The following PTPRZ1 variants were observed in gnomAD, a reference collection of about 807,000 sequenced individuals.
PTPRZ1 encodes the protein protein tyrosine phosphatase receptor type Z1, also known as receptor-type tyrosine-protein phosphatase zeta.
A neutral mutation model predicts 214.1 loss-of-function variants in PTPRZ1; 82 were observed. The ratio of observed to expected loss-of-function variants is 0.38; its 90% CI spans 0.32 to 0.46. The LOEUF is 0.46. Among genes scored for constraint, PTPRZ1 ranks in the 20% least tolerant of loss-of-function variants. The pLI, the probability that PTPRZ1 is intolerant of heterozygous loss-of-function variation, is 1.00. For synonymous variants in PTPRZ1, 945 were observed against 987.9 expected (o/e 0.96, Z 0.81); for missense variants, 2,603 against 2,748.7 (o/e 0.95, Z 1.19).
At chr7:121,961,652 G>A (rs1424803986) in intron 2 of PTPRZ1, among the ~76,000 whole-genome samples, 1 of 152,188 alleles carries the variant, frequency 6.6e-6, no homozygotes, top group Non-Finnish European at 1.5e-5. Flanking sequence ...AATAGAGGAT[G>A]CATACGTATG....
intron 2 of PTPRZ1, 113 bp from the exon 3 acceptor site, chr7:121,967,838 A>C (rs1402488799): frequency 5.4e-6 from 4 of 741,976 alleles, no homozygotes; most frequent in African/African-American, 3.7e-5. Context: ...AAAGATGTCA[A>C]ACATTTTTCT....
chr7:121,956,153 C>T (rs138471062), intron 2 of PTPRZ1, among the ~76,000 whole-genome samples: 10 of 152,072 alleles, frequency 6.6e-5, no homozygotes, highest in African/African-American at 1.4e-4. Context: ...TGCAACTACC[C>T]GTCCTCTCTG....
At chr7:122,010,207 G>T in intron 11 of PTPRZ1, 127 bp from the exon 12 acceptor site, 1 of 873,272 alleles carries the variant, frequency 1.1e-6, no homozygotes, top group Non-Finnish European at 1.7e-6. Flanking sequence ...GCATTGTACA[G>T]AATGGTGTTT....
chr7:122,055,906 C>T (rs1232516543), intron 27 of PTPRZ1, among the ~76,000 whole-genome samples: 1 of 151,744 alleles, frequency 6.6e-6, no homozygotes, highest in Non-Finnish European at 1.5e-5. Context: ...ATTCTCTATC[C>T]TCTAGAATAT....
intron 1 of PTPRZ1, among the ~76,000 whole-genome samples, chr7:121,889,679 A>G (rs368407967): frequency 9.2e-5 from 14 of 152,176 alleles, no homozygotes; most frequent in African/African-American, 3.4e-4. Flanking sequence ...AGAGTTTTCT[A>G]TAGTCACTAT....
In PTPRZ1 at chr7:122,061,321, C is replaced by T; in HGVS notation, c.*101C>T. 10 of 1,161,980 alleles carry T rather than the reference C, an allele frequency of 8.6e-6. No homozygotes were observed. Among genetic ancestry groups the T allele is most frequent in the Non-Finnish European group, 1.1e-5 (10 of 877,140 alleles). 72.0% of individuals were successfully genotyped at this position (1,161,980 alleles called of 1,614,324 possible). ...GTTCTGTTATCTGTTGATTTCCCAT[C>T]ACCTGACAGTAACTTTCATGACATA... On this transcript the variant is annotated 3_prime_UTR_variant, in exon 30 of 30. Coordinates refer to ENST00000393386, the MANE Select transcript of PTPRZ1 (RefSeq NM_002851.3).
chr7:121,964,785 A>T (rs1796994212), intron 2 of PTPRZ1, among the ~76,000 whole-genome samples: 1 of 152,172 alleles, frequency 6.6e-6, no homozygotes, highest in African/African-American at 2.4e-5. Context: ...ATTTGATTGA[A>T]GTTAGAAAGC....
intron 1 of PTPRZ1, among the ~76,000 whole-genome samples, chr7:121,900,189 C>T (rs1323069606): frequency 1.2e-4 from 19 of 152,062 alleles, no homozygotes; most frequent in Admixed American, 1.2e-3. Context: ...AGAAGGTAAG[C>T]AGAAGGGGTG....
intron 3 of PTPRZ1, 34 bp downstream of exon 3, chr7:121,968,164 A>G (rs768431915): frequency 6.5e-6 from 10 of 1,537,944 alleles, no homozygotes; most frequent in African/African-American, 5.6e-5. Flanking sequence ...CCTTTAATAT[A>G]TTTTTCAGAC....
At chr7:121,873,619 T>C (rs372639742) in intron 1 of PTPRZ1, 62 bp downstream of exon 1, 2 of 1,579,882 alleles carry the variant, frequency 1.3e-6, no homozygotes, top group Non-Finnish European at 1.7e-6. Context: ...GGTGGGAGCA[T>C]TTCAGCGTGT....
At chr7:121,981,495 A>T (rs1012431782) in intron 6 of PTPRZ1, among the ~76,000 whole-genome samples, 4 of 152,206 alleles carry the variant, frequency 2.6e-5, no homozygotes, top group African/African-American at 9.7e-5. Context: ...GTAGTTCAGG[A>T]GATAGGAAAA....
At position 122,031,513 on chromosome 7, in the gene PTPRZ1, A is replaced by G. The variant is rs1275406651; in HGVS notation, c.5120A>G (p.His1707Arg). Residue 1707 changes from histidine to arginine, a missense_variant, in exon 15 of 30, where the codon CAT becomes CGT. Coordinates refer to ENST00000393386, the MANE Select transcript of PTPRZ1 (RefSeq NM_002851.3). ...ATTCCAATAAAGCACTTTCCAAAGC[A>G]TGTTGCAGATTTACATGCAAGTAGT... ...GAIPIKHFPK[H>R]VADLHASSGF... The G allele has an allele frequency of 5.6e-6, 9 of 1,611,448 alleles. No homozygotes were observed. In the South Asian group the frequency reaches 6.6e-5, roughly 12 times the overall value.
At chr7:122,008,349 A>G (rs1798553587) in intron 11 of PTPRZ1, among the ~76,000 whole-genome samples, 1 of 152,082 alleles carries the variant, frequency 6.6e-6, no homozygotes, top group Non-Finnish European at 1.5e-5. Context: ...TAAATAAGAG[A>G]GATCAGAGTT....
intron 1 of PTPRZ1, among the ~76,000 whole-genome samples, chr7:121,917,462 T>A (rs1016614546): frequency 2.0e-5 from 3 of 152,152 alleles, no homozygotes; most frequent in African/African-American, 7.2e-5. Context: ...GAATAATTTA[T>A]GACCAAAAAA....
intron 3 of PTPRZ1, among the ~76,000 whole-genome samples, chr7:121,972,034 C>G (rs1398473661): frequency 6.6e-6 from 1 of 152,132 alleles, no homozygotes; most frequent in Non-Finnish European, 1.5e-5. Context: ...CCTGCCACAG[C>G]CAGGGACCCA....
At chr7:122,031,085 A>G (rs1799355235) in intron 14 of PTPRZ1, among the ~76,000 whole-genome samples, 1 of 152,062 alleles carries the variant, frequency 6.6e-6, no homozygotes, top group Non-Finnish European at 1.5e-5. Flanking sequence ...GGTCCACACT[A>G]AAATTGAAAC....
At chr7:122,037,605 T>C (rs759493032) in intron 18 of PTPRZ1, among the ~76,000 whole-genome samples, 36 of 152,196 alleles carry the variant, frequency 2.4e-4, no homozygotes, top group Non-Finnish European at 4.0e-4. Flanking sequence ...AGGTTAATAC[T>C]GTGTGGAATA....
intron 1 of PTPRZ1, among the ~76,000 whole-genome samples, chr7:121,888,618 T>C (rs191666249): frequency 1.2e-4 from 19 of 152,142 alleles, no homozygotes; most frequent in African/African-American, 4.3e-4. Context: ...CCATTATTTT[T>C]AACTTAGGGT....
chr7:121,959,604 G>A (rs576141861), intron 2 of PTPRZ1, among the ~76,000 whole-genome samples: 1 of 152,228 alleles, frequency 6.6e-6, no homozygotes, highest in Admixed American at 6.5e-5. Context: ...TTATTCAGCA[G>A]CTTTTGGTTT....
Sources: gnomAD v4.1 joint callset for allele counts (sites outside exome capture counted in the v4.1 genomes callset) on GRCh38, gnomAD v4.1.1 for gene constraint, MANE v1.5 for transcripts, NCBI Gene and HGNC (gene_info 2026-07-23, HGNC 2026-07-21) for gene names.